LRRC66: variants seen among roughly 807,000 people sequenced by gnomAD.
The protein encoded by LRRC66 is leucine rich repeat containing 66, also known as leucine-rich repeat-containing protein 66.
In LRRC66, 29 loss-of-function variants were observed where a neutral mutation model predicts 24.6. That is an observed-to-expected ratio of 1.18 (90% CI 0.88 to 1.61). LRRC66 has a LOEUF of 1.61. LRRC66 is among the 40% of genes most tolerant of loss of function. LRRC66 has a pLI of 0.00. For synonymous variants in LRRC66, 411 were observed against 397.6 expected, an observed-to-expected ratio of 1.03 and a Z score of -0.40; for missense variants, 1,124 against 1,058.0, an observed-to-expected ratio of 1.06 and a Z score of -0.87.
At chr4:51,996,809 A>G (rs1736332690) in intron 4 of LRRC66, among the ~76,000 whole-genome samples, 1 of 152,202 alleles carries the variant, frequency 6.6e-6, no homozygotes, top group African/African-American at 2.4e-5. Flanking sequence ...TGGGAGGAAG[A>G]AGCCAGACTA....
Position 51,995,741 on chromosome 4 carries a change from A to G in LRRC66, c.1281T>C (p.Asp427=), listed in dbSNP as rs771036874. ...GTGTGTGCCCCGCAGCTTCCATGTC[A>G]TCGTAGAAGCCCTCGTTTGAATACG... ...DNAYSNEGFY[D]DMEAAGHTPH... is the part of the protein sequence containing the mutation. Residue 427 remains aspartate (D), a synonymous_variant, in exon 5 of 5, where the codon GAT becomes GAC. Transcript: ENST00000682860. The G allele has an allele frequency of 3.1e-6, 5 of 1,614,098 alleles. No individual in the cohort carries two copies. Among genetic ancestry groups the G allele is most frequent in the Non-Finnish European group, 4.2e-6 (5 of 1,180,026 alleles).
intron 2 of LRRC66, among the ~76,000 whole-genome samples, chr4:52,012,563 T>G (rs1248742622): frequency 6.6e-6 from 1 of 152,194 alleles, no homozygotes; most frequent in Non-Finnish European, 1.5e-5. Context: ...GAAAATGTAT[T>G]CTTTTAATAT....
At chr4:51,996,708 C>G (rs1252962886) in intron 4 of LRRC66, among the ~76,000 whole-genome samples, 1 of 152,112 alleles carries the variant, frequency 6.6e-6, no homozygotes, top group South Asian at 2.1e-4. Flanking sequence ...TATGGCTGTA[C>G]GCATTTACAC....
chr4:51,995,725 C>G lies in LRRC66; in HGVS notation c.1297G>C (p.Gly433Arg). 6.2e-7 allele frequency: 1 copy of G among 1,614,088 alleles called. No individual in the cohort carries two copies. The highest frequency in any genetic ancestry group is 8.5e-7 in the Non-Finnish European group (1 of 1,179,998). The change falls in exon 5 of 5, where the codon GGG becomes CGG. Residue 433 changes from glycine to arginine, a missense_variant. Gly to Arg is a moderately radical substitution (Grantham distance 125). Transcript: ENST00000682860. ...TGGGTCTCTGGGTGTGGTGTGTGCC[C>G]CGCAGCTTCCATGTCATCGTAGAAG... is the stretch of plus-strand genomic sequence containing the variant. ...EGFYDDMEAA[G>R]HTPHPETHLR...
intron 3 of LRRC66, among the ~76,000 whole-genome samples, chr4:51,998,285 T>C (rs1229262537): frequency 6.6e-6 from 1 of 152,202 alleles, no homozygotes; most frequent in East Asian, 1.9e-4. Flanking sequence ...TAGATACTCA[T>C]GTTATCAAGG....
intron 1 of LRRC66, 35 bp from the exon 2 acceptor site, chr4:52,017,653 T>C: frequency 6.8e-7 from 1 of 1,480,420 alleles, no homozygotes; most frequent in Non-Finnish European, 8.9e-7. Context: ...TTATTCACAA[T>C]AATATATAAA....
rs753402247 is a variant in LRRC66 at position 51,995,770 on chromosome 4, T to C, written c.1252A>G (p.Asn418Asp). 16 of 1,614,020 alleles carry C rather than the reference T, an allele frequency of 9.9e-6. No individual in the cohort carries two copies. Among genetic ancestry groups the C allele is most frequent in the Non-Finnish European group, 1.4e-5 (16 of 1,179,982 alleles). Residue 418 changes from asparagine (N) to aspartate (D), a missense_variant, in exon 5 of 5, where the codon AAC becomes GAC. Physicochemically the swap from Asn to Asp is conservative, Grantham distance 23. Transcript: ENST00000682860. Reference sequence around the variant, plus strand: ...TAGAAGCCCTCGTTTGAATACGCGTTGTCCAGGCCAGGGCTTTTGCTCTGG... The same window carrying C: ...TAGAAGCCCTCGTTTGAATACGCGTCGTCCAGGCCAGGGCTTTTGCTCTGG... ...KCQSKSPGLDNAYSNEGFYDD... is the reference protein window; with the variant it reads ...KCQSKSPGLDDAYSNEGFYDD...
At chr4:52,000,745 C>T (rs1578113180) in intron 3 of LRRC66, among the ~76,000 whole-genome samples, 3 of 152,246 alleles carry the variant, frequency 2.0e-5, no homozygotes, top group Admixed American at 6.5e-5. Flanking sequence ...TGAATCCTGC[C>T]GACGGCCACG....
chr4:52,016,421 C>A (rs1027147090), intron 2 of LRRC66, among the ~76,000 whole-genome samples: 1 of 152,146 alleles, frequency 6.6e-6, no homozygotes, highest in African/African-American at 2.4e-5. Context: ...AATTGTCTAG[C>A]ACTCTGGAAT....
At chr4:51,998,551 G>C (rs1736375778) in intron 3 of LRRC66, among the ~76,000 whole-genome samples, 1 of 152,224 alleles carries the variant, frequency 6.6e-6, no homozygotes, top group Non-Finnish European at 1.5e-5. Context: ...ACCTCAGAGA[G>C]AGATCTTTTG....
rs771239248 is a variant in LRRC66, at chr4:51,996,089, A to T, written c.933T>A (p.His311Gln). The change falls in exon 5 of 5, where the codon CAT becomes CAA. Residue 311 changes from histidine to glutamine, a missense_variant. Transcript: ENST00000682860. ...TGCTCCTTATGAGGCTTTTCATGCG[A>T]TGCAGATGAATGGGAGGAAGGCGGG... Reference protein sequence around the residue: ...RETRLPPIHLHRMKSLIRSKA... With the variant: ...RETRLPPIHLQRMKSLIRSKA... 6.2e-7 allele frequency: 1 copy of T among 1,613,976 alleles called. No homozygotes were observed. The highest frequency in any genetic ancestry group is 8.5e-7 in the Non-Finnish European group (1 of 1,179,980).
intron 2 of LRRC66, among the ~76,000 whole-genome samples, chr4:52,009,261 A>G (rs1204097954): frequency 4.6e-5 from 7 of 152,162 alleles, no homozygotes; most frequent in Non-Finnish European, 8.8e-5. Flanking sequence ...GCAAATTACT[A>G]ATTTATTATC....
intron 1 of LRRC66, chr4:52,018,443 A>T: frequency 1.0e-6 from 1 of 985,416 alleles, no homozygotes; most frequent in Non-Finnish European, 1.2e-6. Flanking sequence ...CTGTGTGTAC[A>T]AATAATCACA....
At chr4:51,996,287 C>A in intron 4 of LRRC66, 122 bp from the exon 5 acceptor site, 1 of 945,562 alleles carries the variant, frequency 1.1e-6, no homozygotes, top group Non-Finnish European at 1.5e-6. Context: ...TCCAGGCACA[C>A]CCAGCCTGGA....
intron 2 of LRRC66, among the ~76,000 whole-genome samples, chr4:52,015,211 G>A (rs1402691174): frequency 6.6e-6 from 1 of 152,058 alleles, no homozygotes; most frequent in Non-Finnish European, 1.5e-5. Flanking sequence ...CACGTTCATT[G>A]TCCCAGGGAA....
intron 3 of LRRC66, among the ~76,000 whole-genome samples, chr4:52,001,055 T>C (rs1736435722): frequency 6.6e-6 from 1 of 152,220 alleles, no homozygotes; most frequent in Non-Finnish European, 1.5e-5. Context: ...GTACCAGGCA[T>C]ATGCTAAGCA....
chr4:51,997,774 C>T lies in LRRC66; in HGVS notation c.830G>A (p.Trp277Ter). ...TATAGACCTGTTGCAAATGACATTC[C>T]ACTTTTTCCTCCAGGATTCAGAAAT... is the stretch of plus-strand genomic sequence containing the variant. The part of the protein sequence containing the change: ...NFISESWRKK[W>*]NVICNRSIGS... Residue 277 changes from tryptophan to a stop codon, truncating the protein, a stop_gained, in exon 4 of 5, where the codon TGG becomes TAG. Transcript: ENST00000682860. LOFTEE classifies it low-confidence loss of function (END_TRUNC). 6.2e-7 allele frequency: 1 copy of T among 1,613,916 alleles called. No homozygotes were observed. Among genetic ancestry groups the T allele is most frequent in the Non-Finnish European group, 8.5e-7 (1 of 1,179,896 alleles).
Position 51,994,333 on chromosome 4 carries a change from A to G in LRRC66, c.*46T>C. 6.6e-7 allele frequency: 1 copy of G among 1,515,498 alleles called. No individual in the cohort carries two copies. Among genetic ancestry groups the G allele is most frequent in the Non-Finnish European group, 8.9e-7 (1 of 1,123,922 alleles). The allele number at this position is 1,515,498 out of a possible 1,614,324, so 93.9% of individuals were successfully genotyped here. A position where few individuals can be genotyped will look rare whatever the true frequency, so the allele number is the denominator to read the frequency against. On this transcript the variant is annotated 3_prime_UTR_variant, in exon 5 of 5. Coordinates refer to ENST00000682860, the MANE Select transcript of LRRC66 (RefSeq NM_001024611.3). ...TAGTTTTCCCCTGCCATGATCTTTAAAAGAATATTGTTTAGAGCTGTGAAT... is the reference window on the plus strand; with the variant it reads ...TAGTTTTCCCCTGCCATGATCTTTAGAAGAATATTGTTTAGAGCTGTGAAT...
chr4:51,997,961 G>A, intron 3 of LRRC66, 24 bp from the exon 4 acceptor site: 1 of 1,596,398 alleles, frequency 6.3e-7, no homozygotes, highest in Non-Finnish European at 8.6e-7. Flanking sequence ...AACAAGTTTA[G>A]GATGGTCTGT....
Sources: gnomAD v4.1 joint callset for allele counts (sites outside exome capture counted in the v4.1 genomes callset) on GRCh38, gnomAD v4.1.1 for gene constraint, MANE v1.5 for transcripts, NCBI Gene and HGNC (gene_info 2026-07-23, HGNC 2026-07-21) for gene names.